NOXRED1: variants seen among roughly 807,000 people sequenced by gnomAD.
NOXRED1 encodes the protein NADP dependent oxidoreductase domain containing 1, also known as NADP-dependent oxidoreductase domain-containing protein 1.
In NOXRED1, 20 loss-of-function variants were observed where a neutral mutation model predicts 30.4. That is an observed-to-expected ratio of 0.66 (90% CI 0.46 to 0.96). The LOEUF (loss-of-function observed/expected upper bound fraction) is 0.96, where lower values mean the gene tolerates loss of function less well. Among genes scored for constraint, NOXRED1 ranks in the 40% least tolerant of loss-of-function variants. NOXRED1 has a pLI of 0.00. For synonymous variants in NOXRED1, 155 were observed against 168.0 expected (o/e 0.92, Z 0.60); for missense variants, 374 against 428.0 (o/e 0.87, Z 1.11).
intron 1 of NOXRED1, 100 bp downstream of exon 1, chr14:77,422,635 C>G (rs1332295445): frequency 8.6e-7 from 1 of 1,160,992 alleles, no homozygotes; most frequent in African/African-American, 1.5e-5. Context: ...TGACAATCCA[C>G]CAGCCAAACT....
rs569019138 is a variant in NOXRED1, at chr14:77,400,928, AAAC to A, written c.905+4982_905+4984del. ...TATGAAACTGATGAGAGAAGTCTAA[AAAC>A]AACAAAATAAATATAGAGATTTCAT... On this transcript the variant is annotated intron_variant, in intron 5 of 5. Transcript: ENST00000380835. Among the ~76,000 whole-genome samples the A allele has an allele frequency of 3.9e-3, 595 of 152,368 alleles. 3 individuals carry two copies. Among genetic ancestry groups the A allele is most frequent in the African/African-American group, 0.013 (554 of 41,592 alleles).
chr14:77,416,062 ATTCTACTT>A (rs1391092438), intron 1 of NOXRED1, among the ~76,000 whole-genome samples: 2 of 152,172 alleles, frequency 1.3e-5, no homozygotes, highest in Non-Finnish European at 2.9e-5. Flanking sequence ...GGAAACTACC[ATTCTACTT>A]TCTGTTCCAC....
upstream of NOXRED1, among the ~76,000 whole-genome samples, chr14:77,423,865 C>T (rs1895063546): frequency 2.6e-5 from 4 of 152,124 alleles, no homozygotes; most frequent in South Asian, 8.3e-4. Flanking sequence ...ATAAAATTAG[C>T]CATTTTAAAG....
At chr14:77,396,171 GGA>G (rs1480062111) in intron 5 of NOXRED1, among the ~76,000 whole-genome samples, 1 of 151,708 alleles carries the variant, frequency 6.6e-6, no homozygotes, top group Non-Finnish European at 1.5e-5. Flanking sequence ...TAGAAGGCAT[GGA>G]CATTGGAAAG....
Position 77,419,933 on chromosome 14 carries a change from C to T in NOXRED1, c.155+2802G>A, listed in dbSNP as rs147076883. ...TTGACTTTTGATGGTTTGATTATAA[C>T]GTGTCTCTGTGTGGTCCTCTTTGGG... On this transcript the variant is annotated intron_variant, in intron 1 of 5. Coordinates refer to ENST00000380835, the MANE Select transcript of NOXRED1 (RefSeq NM_001113475.3). Among the ~76,000 whole-genome samples the T allele has an allele frequency of 2.9e-3, 437 of 152,218 alleles. 1 individual carries two copies. Among genetic ancestry groups the T allele is most frequent in the Admixed American group, 0.019 (283 of 15,282 alleles).
intron 1 of NOXRED1, among the ~76,000 whole-genome samples, chr14:77,415,583 CATAT>C (rs901644231): frequency 2.3e-5 from 3 of 130,724 alleles, no homozygotes; most frequent in Admixed American, 8.1e-5. Flanking sequence ...AAAGAAAATA[CATAT>C]AGATAGATAG....
At chr14:77,415,649 TATAG>T (rs1291867046) in intron 1 of NOXRED1, among the ~76,000 whole-genome samples, 1 of 130,294 alleles carries the variant, frequency 7.7e-6, no homozygotes, top group African/African-American at 2.6e-5. Flanking sequence ...CAGACAGACA[TATAG>T]ATATAGTTGT....
At chr14:77,410,840 G>A (rs1296301311) in intron 2 of NOXRED1, among the ~76,000 whole-genome samples, 1 of 152,146 alleles carries the variant, frequency 6.6e-6, no homozygotes, top group South Asian at 2.1e-4. Context: ...GCACTGACCT[G>A]TGTGTAGTGA....
rs953791156 is a variant in NOXRED1, at chr14:77,422,820, G to C, written c.70C>G (p.Leu24Val). The C allele has an allele frequency of 1.2e-6, 2 of 1,613,618 alleles. No individual in the cohort carries two copies. The highest frequency in any genetic ancestry group is 2.7e-5 in the African/African-American group (2 of 74,864). Residue 24 changes from leucine to valine, a missense_variant, in exon 1 of 6, where the codon CTG (leucine) becomes GTG (valine). Coordinates refer to ENST00000380835, the MANE Select transcript of NOXRED1 (RefSeq NM_001113475.3). ...CCCCGAGAACGGCCCTGCAAATACA[G>C]CCAGATACGATCTTCCTCTGGAACC... Reference protein sequence around the residue: ...YGVPEEDRIWLYLQGRSRGLM... With the variant: ...YGVPEEDRIWVYLQGRSRGLM...
chr14:77,421,326 A>C (rs1456600690), intron 1 of NOXRED1, among the ~76,000 whole-genome samples: 1 of 152,158 alleles, frequency 6.6e-6, no homozygotes, highest in African/African-American at 2.4e-5. Context: ...TATTGTTGTT[A>C]AGTTAGTGTC....
intron 5 of NOXRED1, among the ~76,000 whole-genome samples, chr14:77,398,901 G>A (rs1035157241): frequency 3.3e-5 from 5 of 152,094 alleles, no homozygotes; most frequent in South Asian, 2.1e-4. Flanking sequence ...CTCAGGAGGC[G>A]GAGGTTCCAG....
At chr14:77,408,183 T>C (rs540608137) in intron 2 of NOXRED1, among the ~76,000 whole-genome samples, 2 of 152,128 alleles carry the variant, frequency 1.3e-5, no homozygotes, top group African/African-American at 4.8e-5. Context: ...TTCACCTTTA[T>C]CTTACTTTTA....
intron 5 of NOXRED1, among the ~76,000 whole-genome samples, chr14:77,395,550 C>T (rs1894158938): frequency 6.6e-6 from 1 of 151,920 alleles, no homozygotes; most frequent in Admixed American, 6.6e-5. Flanking sequence ...GCCTGTAATC[C>T]TAGCACTTTG....
At chr14:77,406,939 C>T in intron 3 of NOXRED1, 64 bp from the exon 4 acceptor site, 1 of 1,462,118 alleles carries the variant, frequency 6.8e-7, no homozygotes. Flanking sequence ...ACATAACCCA[C>T]TGTGTTTACA....
Position 77,413,965 on chromosome 14 carries a change from C to A in NOXRED1, c.318G>T (p.Leu106=), listed in dbSNP as rs150937652. The A allele has an allele frequency of 3.1e-6, 5 of 1,601,476 alleles. No homozygotes were observed. In the South Asian group the frequency reaches 4.5e-5, roughly 14 times the overall value. ...TCTCTGGCCTCCGAGTGGAGATCCGCAGGCTTTCAGCAGGGATGGGGCCAA... is the reference window on the plus strand; with the variant it reads ...TCTCTGGCCTCCGAGTGGAGATCCGAAGGCTTTCAGCAGGGATGGGGCCAA... ...LQLGPIPAES[L]RISTRRPETL... The change falls in exon 2 of 6, where the codon CTG becomes CTT. Residue 106 remains leucine, a synonymous_variant. Coordinates refer to ENST00000380835, the MANE Select transcript of NOXRED1 (RefSeq NM_001113475.3).
chr14:77,413,993 T>TC lies in NOXRED1; in HGVS notation c.289_290insG (p.Gln97ArgfsTer8). 1 of 1,611,176 alleles carries TC rather than the reference T, an allele frequency of 6.2e-7. No individual in the cohort carries two copies. The highest frequency in any genetic ancestry group is 8.5e-7 in the Non-Finnish European group (1 of 1,178,026). ...GCTTTCAGCAGGGATGGGGCCAAGC[T>TC]GCAGCAGTGTGCCAGCCAGCTGCTT... On this transcript the variant is annotated frameshift_variant, in exon 2 of 6. Coordinates refer to ENST00000380835, the MANE Select transcript of NOXRED1 (RefSeq NM_001113475.3). LOFTEE classifies it high-confidence loss of function.
At chr14:77,397,662 G>A (rs552632732) in intron 5 of NOXRED1, among the ~76,000 whole-genome samples, 6 of 152,106 alleles carry the variant, frequency 3.9e-5, no homozygotes, top group South Asian at 4.2e-4. Context: ...CAAGGCAGGC[G>A]GATCATTTGA....
chr14:77,397,645 G>A (rs1894223361), intron 5 of NOXRED1, among the ~76,000 whole-genome samples: 1 of 152,092 alleles, frequency 6.6e-6, no homozygotes. Flanking sequence ...CCAGCACTTT[G>A]GGAGGCCAAG....
At chr14:77,413,824 C>CTCCACACGCTG (rs1037920174) in intron 2 of NOXRED1, 110 bp downstream of exon 2, 22 of 671,736 alleles carry the variant, frequency 3.3e-5, no homozygotes, top group Non-Finnish European at 4.3e-5. Flanking sequence ...AAGCTGAGAA[C>CTCCACACGCTG]TCCACACGCT....
Sources: allele counts gnomAD v4.1 joint callset (sites outside exome capture counted in the v4.1 genomes callset), GRCh38; gene constraint gnomAD v4.1.1; transcripts MANE v1.5; gene names NCBI Gene and HGNC (gene_info 2026-07-23, HGNC 2026-07-21).